The following CSMD1 variants were observed in gnomAD, a reference collection of about 807,000 sequenced individuals.
The protein encoded by CSMD1 is CUB and sushi domain-containing protein 1.
Under a neutral mutation model 417.5 loss-of-function variants are expected in CSMD1, and 213 were observed. The ratio of observed to expected loss-of-function variants is 0.51; its 90% CI spans 0.46 to 0.57. The LOEUF is 0.57. Among genes scored for constraint, CSMD1 ranks in the 20% least tolerant of loss-of-function variants. The probability of loss-of-function intolerance (pLI) is 0.00; values close to 1 mark genes in which losing one functional copy is unlikely to be tolerated. For synonymous variants in CSMD1, 2,862 were observed against 1,736.8 expected (o/e 1.65, Z -16.11); for missense variants, 6,923 against 4,529.7 (o/e 1.53, Z -15.17).
At chr8:4,612,687 A>C (rs977541047) in intron 2 of CSMD1, among the ~76,000 whole-genome samples, 2 of 152,126 alleles carry the variant, frequency 1.3e-5, no homozygotes, top group African/African-American at 4.8e-5. Flanking sequence ...ACCTCACGCC[A>C]CATCCCTGCC....
chr8:4,434,381 C>A (rs1798036224), intron 2 of CSMD1, among the ~76,000 whole-genome samples: 1 of 152,096 alleles, frequency 6.6e-6, no homozygotes, highest in African/African-American at 2.4e-5. Flanking sequence ...CTAACTGGAT[C>A]TAAGAACACT....
chr8:3,992,451 A>G (rs1177748936), intron 5 of CSMD1, among the ~76,000 whole-genome samples: 1 of 152,176 alleles, frequency 6.6e-6, no homozygotes, highest in Non-Finnish European at 1.5e-5. Flanking sequence ...ATAGCTTACA[A>G]CAGGTTTGTG....
At chr8:3,710,058 T>A (rs571222696) in intron 6 of CSMD1, among the ~76,000 whole-genome samples, 1 of 152,026 alleles carries the variant, frequency 6.6e-6, no homozygotes, top group South Asian at 2.1e-4. Context: ...ACCAATAACA[T>A]AAACAGTTAC....
rs946502515 is a variant in CSMD1, at chr8:3,853,869, T to C, written c.819-99827A>G. 2.2e-5 allele frequency among the ~76,000 whole-genome samples: 3 copies of C among 138,612 alleles called. No individual in the cohort carries two copies. In the South Asian group the frequency reaches 6.4e-4, roughly 30 times the overall value. 90.9% of individuals were successfully genotyped at this position (138,612 alleles called of 152,430 possible). On this transcript the variant is annotated intron_variant, in intron 5 of 69. Coordinates refer to ENST00000635120, the MANE Select transcript of CSMD1 (RefSeq NM_033225.6). The stretch of plus-strand genomic sequence containing the variant: ...ATGTACCCTAAAACTTAATATATTA[T>C]ACTTTAATATATTAATATATTATAC...
chr8:3,643,127 C>G (rs1446978636), intron 7 of CSMD1, among the ~76,000 whole-genome samples: 1 of 151,608 alleles, frequency 6.6e-6, no homozygotes, highest in African/African-American at 2.4e-5. Flanking sequence ...GACAATTTAA[C>G]AGTCAGGGAA....
chr8:3,054,271 C>G (rs1450463894), intron 49 of CSMD1, among the ~76,000 whole-genome samples: 2 of 152,212 alleles, frequency 1.3e-5, no homozygotes, highest in Non-Finnish European at 2.9e-5. Flanking sequence ...CTGGAAATTT[C>G]AAGCTCTAAA....
intron 7 of CSMD1, among the ~76,000 whole-genome samples, chr8:3,692,090 T>A (rs973438517): frequency 6.6e-6 from 1 of 152,182 alleles, no homozygotes; most frequent in Admixed American, 6.5e-5. Flanking sequence ...GCAATCATCC[T>A]CTGACTCATC....
intron 2 of CSMD1, among the ~76,000 whole-genome samples, chr8:4,552,051 T>G (rs1379444758): frequency 6.6e-6 from 1 of 152,172 alleles, no homozygotes; most frequent in Admixed American, 6.6e-5. Flanking sequence ...TCAAAATTAC[T>G]AATCAAATTA....
At chr8:3,696,341 A>G (rs902226282) in intron 7 of CSMD1, among the ~76,000 whole-genome samples, 74 of 152,248 alleles carry the variant, frequency 4.9e-4, no homozygotes, top group African/African-American at 1.8e-3. Context: ...TAATTACCCA[A>G]TGTGTTCACC....
intron 23 of CSMD1, among the ~76,000 whole-genome samples, chr8:3,338,285 T>C (rs1300019734): frequency 6.6e-6 from 1 of 152,132 alleles, no homozygotes; most frequent in Non-Finnish European, 1.5e-5. Context: ...TAGTCATGCG[T>C]GGGTGCTGGG....
At chr8:3,314,458 A>G (rs1463361710) in intron 23 of CSMD1, among the ~76,000 whole-genome samples, 5 of 152,200 alleles carry the variant, frequency 3.3e-5, no homozygotes, top group African/African-American at 4.8e-5. Flanking sequence ...TATTCAGGGC[A>G]CAAATACTGG....
intron 41 of CSMD1, among the ~76,000 whole-genome samples, chr8:3,121,453 C>T (rs979665703): frequency 2.0e-5 from 3 of 152,206 alleles, no homozygotes; most frequent in East Asian, 3.9e-4. Context: ...CCCCCAGGGA[C>T]GAGAAGTGGG....
intron 17 of CSMD1, among the ~76,000 whole-genome samples, chr8:3,394,731 G>C (rs1160997327): frequency 6.6e-6 from 1 of 152,112 alleles, no homozygotes; most frequent in African/African-American, 2.4e-5. Flanking sequence ...ACTTCAAAGA[G>C]AAGTGACAAC....
rs1799492669 is a variant in CSMD1 at position 3,678,468 on chromosome 8, A to T, written c.1009+29946T>A. Among the ~76,000 whole-genome samples the T allele has an allele frequency of 2.0e-5, 3 of 152,172 alleles. 1 individual carries two copies. Among genetic ancestry groups the T allele is most frequent in the South Asian group, 4.1e-4 (2 of 4,832 alleles). On this transcript the variant is annotated intron_variant, in intron 7 of 69. Coordinates refer to ENST00000635120, the MANE Select transcript of CSMD1 (RefSeq NM_033225.6). ...GAAGATCAAATGAATGAAATGAAGT[A>T]AGAAGAGAAGTTTAGAGAAAAAGGA...
chr8:3,992,201 T>G (rs527677659), intron 5 of CSMD1, among the ~76,000 whole-genome samples: 16 of 150,784 alleles, frequency 1.1e-4, no homozygotes, highest in Non-Finnish European at 2.4e-4. Flanking sequence ...ACATTCATAT[T>G]TATTTCCCAT....
chr8:4,078,916 T>TAA, intron 3 of CSMD1, among the ~76,000 whole-genome samples: 1 of 28,226 alleles, frequency 3.5e-5, no homozygotes, highest in African/African-American at 7.2e-5. Context: ...TATATATATA[T>TAA]ATATATATAT....
chr8:4,905,368 A>G (rs1554516199), intron 1 of CSMD1, among the ~76,000 whole-genome samples: 1 of 152,086 alleles, frequency 6.6e-6, no homozygotes, highest in Non-Finnish European at 1.5e-5. Flanking sequence ...TCTTAGATAG[A>G]TTTATAAAAT....
chr8:4,133,799 G>C (rs149390818), intron 3 of CSMD1, among the ~76,000 whole-genome samples: 2 of 152,066 alleles, frequency 1.3e-5, no homozygotes, highest in Non-Finnish European at 2.9e-5. Context: ...CTATAGCCAT[G>C]CCACTCTGAC....
chr8:3,671,216 G>A (rs1485779793), intron 7 of CSMD1, among the ~76,000 whole-genome samples: 2 of 146,018 alleles, frequency 1.4e-5, no homozygotes, highest in Non-Finnish European at 3.0e-5. Context: ...TATGTATAGG[G>A]GATGTATGTA....
Sources: gnomAD v4.1 joint callset for allele counts (sites outside exome capture counted in the v4.1 genomes callset) on GRCh38, gnomAD v4.1.1 for gene constraint, MANE v1.5 for transcripts, NCBI Gene and HGNC (gene_info 2026-07-23, HGNC 2026-07-21) for gene names.